The following LRGUK variants were observed in gnomAD, a reference collection of about 807,000 sequenced individuals.
LRGUK encodes leucine rich repeats and guanylate kinase domain containing.
A neutral mutation model predicts 76.0 loss-of-function variants in LRGUK; 65 were observed. The ratio of observed to expected loss-of-function variants is 0.85; its 90% CI spans 0.70 to 1.05. LRGUK has a LOEUF of 1.05. Among genes scored for constraint, LRGUK ranks in the 50% least tolerant of loss-of-function variants. The pLI is 0.00. For missense variants in LRGUK, 758 were observed against 732.8 expected (o/e 1.03, Z -0.40); for synonymous variants, 268 against 265.6 (o/e 1.01, Z -0.09).
intron 4 of LRGUK, among the ~76,000 whole-genome samples, chr7:134,144,417 G>T (rs1047679415): frequency 6.6e-6 from 1 of 152,170 alleles, no homozygotes; most frequent in African/African-American, 2.4e-5. Flanking sequence ...AGGATTACAG[G>T]TGTAAGCCAC....
intron 8 of LRGUK, among the ~76,000 whole-genome samples, chr7:134,175,308 G>T (rs1303005078): frequency 6.6e-6 from 1 of 151,918 alleles, no homozygotes; most frequent in African/African-American, 2.4e-5. Context: ...GTTTCCACAG[G>T]CTCTTGACTT....
intron 18 of LRGUK, among the ~76,000 whole-genome samples, chr7:134,257,990 G>A (rs1353723307): frequency 1.3e-5 from 2 of 152,094 alleles, no homozygotes; most frequent in Non-Finnish European, 2.9e-5. Context: ...ATGATGTCTT[G>A]CTCTTAGTAA....
intron 7 of LRGUK, among the ~76,000 whole-genome samples, chr7:134,171,059 T>C (rs912094656): frequency 7.2e-5 from 11 of 152,224 alleles, no homozygotes; most frequent in African/African-American, 2.4e-4. Context: ...AAACTATTTG[T>C]CTTTAGTTTA....
intron 1 of LRGUK, among the ~76,000 whole-genome samples, chr7:134,136,042 T>C (rs1797525829): frequency 6.6e-6 from 1 of 152,220 alleles, no homozygotes; most frequent in South Asian, 2.1e-4. Flanking sequence ...TGAATTCATA[T>C]AGAGGACTTA....
At chr7:134,209,536 G>A (rs1157858103) in exon 16 of LRGUK, 12 of 399,050 alleles carry the variant, frequency 3.0e-5, no homozygotes, top group Non-Finnish European at 4.9e-5. Flanking sequence ...CTAGAAGCCG[G>A]CTGGCTCCCA....
At chr7:134,127,610 C>T (rs143224172) in exon 1 of LRGUK, 142 of 1,614,034 alleles carry the variant, frequency 8.8e-5, no homozygotes, top group Non-Finnish European at 1.2e-4. Context: ...AGGACCAGGG[C>T]GAGGGCGAGG....
chr7:134,202,253 T>C (rs553279923), intron 15 of LRGUK, among the ~76,000 whole-genome samples: 1 of 152,168 alleles, frequency 6.6e-6, no homozygotes, highest in Non-Finnish European at 1.5e-5. Flanking sequence ...AATTTTGAGA[T>C]GTATTTAAAA....
intron 16 of LRGUK, among the ~76,000 whole-genome samples, chr7:134,226,894 G>A (rs1266940792): frequency 6.6e-6 from 1 of 152,152 alleles, no homozygotes; most frequent in Non-Finnish European, 1.5e-5. Flanking sequence ...TTCAAGAACA[G>A]CAGCTCTCCT....
At chr7:134,191,059 G>T (rs922004419) in intron 11 of LRGUK, among the ~76,000 whole-genome samples, 1 of 149,696 alleles carries the variant, frequency 6.7e-6, no homozygotes, top group African/African-American at 2.5e-5. Context: ...TTTATACACA[G>T]TGTTGATATG....
chr7:134,239,173 G>A (rs1486178124), intron 16 of LRGUK, among the ~76,000 whole-genome samples: 2 of 152,170 alleles, frequency 1.3e-5, no homozygotes, highest in East Asian at 3.9e-4. Flanking sequence ...GGTGATTTCT[G>A]CATTTCCAAC....
chr7:134,250,283 T>A (rs1802413090), intron 18 of LRGUK, among the ~76,000 whole-genome samples: 1 of 152,162 alleles, frequency 6.6e-6, no homozygotes, highest in Non-Finnish European at 1.5e-5. Context: ...CCTAAAAAAC[T>A]ATTAAAAATC....
chr7:134,223,485 A>T (rs1298824840), intron 16 of LRGUK, among the ~76,000 whole-genome samples: 1 of 152,234 alleles, frequency 6.6e-6, no homozygotes, highest in African/African-American at 2.4e-5. Context: ...TTGTTCCATG[A>T]TACTGAGTGT....
chr7:134,150,168 G>A (rs1444076734), intron 5 of LRGUK, among the ~76,000 whole-genome samples: 4 of 152,024 alleles, frequency 2.6e-5, no homozygotes. Flanking sequence ...CCAGCTACTT[G>A]GGAGGCTGAG....
chr7:134,185,999 G>T (rs764379868), intron 11 of LRGUK, among the ~76,000 whole-genome samples: 2 of 152,122 alleles, frequency 1.3e-5, no homozygotes, highest in Admixed American at 6.6e-5. Flanking sequence ...TAAGCTGAAC[G>T]CAATGAATGG....
intron 12 of LRGUK, among the ~76,000 whole-genome samples, chr7:134,194,663 C>T (rs1234370617): frequency 1.3e-5 from 2 of 152,076 alleles, no homozygotes; most frequent in Admixed American, 6.6e-5. Flanking sequence ...ATTGCTTGAG[C>T]CCAGGAGGTC....
chr7:134,191,697 T>C, exon 12 of LRGUK: 1 of 1,613,254 alleles, frequency 6.2e-7, no homozygotes. Context: ...GAGAAGGGGA[T>C]CGAGTTGATT....
chr7:134,175,809 T>C (rs140446086), intron 8 of LRGUK, among the ~76,000 whole-genome samples: 1 of 152,306 alleles, frequency 6.6e-6, no homozygotes, highest in East Asian at 1.9e-4. Flanking sequence ...ACTCTAATTA[T>C]AATTTCCAAA....
chr7:134,247,711 T>C (rs1272656682), intron 17 of LRGUK, 67 bp downstream of exon 17: 4 of 1,261,126 alleles, frequency 3.2e-6, no homozygotes, highest in Non-Finnish European at 4.6e-6. Flanking sequence ...AAATGAATCC[T>C]AAATCGTGAA....
intron 16 of LRGUK, among the ~76,000 whole-genome samples, chr7:134,228,324 A>G (rs1358142189): frequency 6.6e-6 from 1 of 152,184 alleles, no homozygotes; most frequent in East Asian, 1.9e-4. Flanking sequence ...CAGGAAGCCT[A>G]CATGAAAGGG....
Sources: allele counts gnomAD v4.1 joint callset (sites outside exome capture counted in the v4.1 genomes callset), GRCh38; gene constraint gnomAD v4.1.1; transcripts MANE v1.5; gene names NCBI Gene and HGNC (gene_info 2026-07-23, HGNC 2026-07-21).